Variants in SOX13 observed in about 807,000 individuals in gnomAD.
SOX13 encodes the protein transcription factor SOX-13.
A neutral mutation model predicts 71.8 loss-of-function variants in SOX13; 28 were observed. The ratio of observed to expected loss-of-function variants is 0.39; its 90% confidence interval spans 0.29 to 0.53. The LOEUF is 0.53. SOX13 is among the 20% of genes least tolerant of loss of function. The pLI, the probability that SOX13 is intolerant of heterozygous loss-of-function variation, is 0.70. For synonymous variants in SOX13, 309 were observed against 317.8 expected (o/e 0.97, Z 0.29); for missense variants, 627 against 810.3 (o/e 0.77, Z 2.75).
intron 8 of SOX13, 113 bp from the exon 9 acceptor site, chr1:204,122,124 T>C: frequency 9.0e-7 from 1 of 1,108,262 alleles, no homozygotes; most frequent in Non-Finnish European, 1.3e-6. Context: ...TGCGTCCACT[T>C]TTCTGTCTGT....
intron 12 of SOX13, among the ~76,000 whole-genome samples, chr1:204,124,039 G>A (rs573558908): frequency 1.8e-4 from 27 of 152,190 alleles, no homozygotes; most frequent in Admixed American, 5.2e-4. Context: ...GTGTGTGTGT[G>A]TTTACATTCT....
intron 1 of SOX13, among the ~76,000 whole-genome samples, chr1:204,090,426 T>G (rs1656118375): frequency 1.6e-5 from 2 of 124,402 alleles, no homozygotes; most frequent in Non-Finnish European, 3.5e-5. Flanking sequence ...TTTTTTTTTT[T>G]GAGATGTAGT....
intron 1 of SOX13, among the ~76,000 whole-genome samples, chr1:204,105,416 T>C (rs1263514926): frequency 1.3e-5 from 2 of 150,004 alleles, no homozygotes; most frequent in Middle Eastern, 3.4e-3. Context: ...ATAATCTCTT[T>C]TTTTTTTGAG....
At chr1:204,076,581 A>C (rs144817449) in intron 1 of SOX13, among the ~76,000 whole-genome samples, 10 of 152,192 alleles carry the variant, frequency 6.6e-5, no homozygotes, top group African/African-American at 2.4e-4. Flanking sequence ...AGGACTCTGC[A>C]AATGCATAGC....
intron 13 of SOX13, 91 bp downstream of exon 13, chr1:204,124,948 G>T (rs2102268623): frequency 1.1e-6 from 1 of 931,018 alleles, no homozygotes; most frequent in East Asian, 2.6e-5. Flanking sequence ...GCCTGCCTTT[G>T]TGTGTGACCC....
At chr1:204,086,993 G>A (rs1362784230) in intron 1 of SOX13, among the ~76,000 whole-genome samples, 1 of 151,826 alleles carries the variant, frequency 6.6e-6, no homozygotes, top group Non-Finnish European at 1.5e-5. Context: ...CGCGATCTTG[G>A]CGCACTGCAA....
At chr1:204,103,408 C>T (rs1656398413) in intron 1 of SOX13, among the ~76,000 whole-genome samples, 1 of 152,188 alleles carries the variant, frequency 6.6e-6, no homozygotes, top group South Asian at 2.1e-4. Context: ...ATCAGCGAGG[C>T]CTGAGTTCAA....
chr1:204,114,890 C>T (rs1176410064), intron 4 of SOX13, among the ~76,000 whole-genome samples: 1 of 152,280 alleles, frequency 6.6e-6, no homozygotes, highest in East Asian at 1.9e-4. Flanking sequence ...TTGCCACTTC[C>T]CGAGTCTAAC....
At chr1:204,079,937 G>A (rs1655867448) in intron 1 of SOX13, among the ~76,000 whole-genome samples, 1 of 152,210 alleles carries the variant, frequency 6.6e-6, no homozygotes, top group Non-Finnish European at 1.5e-5. Context: ...GATGTGCTGT[G>A]TGTGTGGCCT....
chr1:204,085,498 T>C (rs900726580), intron 1 of SOX13, among the ~76,000 whole-genome samples: 126 of 151,530 alleles, frequency 8.3e-4, no homozygotes, highest in African/African-American at 2.9e-3. Flanking sequence ...TAATGGCAGG[T>C]TGGTTAAGTA....
In SOX13 at chr1:204,113,213, C is replaced by G. The variant is rs1466959616; in HGVS notation, c.219+79C>G. 8 of 1,175,548 alleles carry G rather than the reference C, an allele frequency of 6.8e-6. No individual in the cohort carries two copies. In the Admixed American group the frequency reaches 2.3e-4, roughly 33 times the overall value. The allele number at this position is 1,175,548 out of a possible 1,614,324, so 72.8% of individuals were successfully genotyped here. On this transcript the variant is annotated intron_variant, in intron 2 of 13. Coordinates refer to ENST00000367204, the MANE Select transcript of SOX13 (RefSeq NM_005686.3). Reference sequence around the variant, plus strand: ...CTCTGCTCGGCTGGGCAGGCCCACTCCCCTAGATGGCAGCAGATACAGGCA... The same window carrying G: ...CTCTGCTCGGCTGGGCAGGCCCACTGCCCTAGATGGCAGCAGATACAGGCA...
chr1:204,074,069 G>T (rs1276613861), intron 1 of SOX13: 1 of 151,962 alleles, frequency 6.6e-6, no homozygotes, highest in Non-Finnish European at 1.5e-5. Flanking sequence ...GCTCCTCGCC[G>T]ACCGCAGAGG....
At position 204,103,180 on chromosome 1, in the gene SOX13, G is replaced by C. The variant is rs1256585665; in HGVS notation, c.-1-9735G>C. On this transcript the variant is annotated intron_variant, in intron 1 of 13. Coordinates refer to ENST00000367204, the MANE Select transcript of SOX13 (RefSeq NM_005686.3). ...TCTATTTTACACATGAAGAAATGGG[G>C]GTTTTGAGAGGTGAAGTCTTTCCCC... 5.3e-5 allele frequency among the ~76,000 whole-genome samples: 8 copies of C among 152,222 alleles called. No individual in the cohort carries two copies. The South Asian group carries it at 1.7e-3, about 31-fold the overall frequency.
chr1:204,103,619 C>A (rs984585304), intron 1 of SOX13, among the ~76,000 whole-genome samples: 5 of 152,246 alleles, frequency 3.3e-5, no homozygotes, highest in Admixed American at 6.5e-5. Context: ...CCCCAAGGGG[C>A]CTTTGACATG....
Position 204,117,166 on chromosome 1 carries a change from C to G in SOX13, c.636C>G (p.Ile212Met), listed in dbSNP as rs1181258899. The G allele has an allele frequency of 6.2e-7, 1 of 1,613,992 alleles. No individual in the cohort carries two copies. The highest frequency in any genetic ancestry group is 8.5e-7 in the Non-Finnish European group (1 of 1,179,878). ...QQQLIQQQHK[I>M]NLLQQQIQQV... ...AGCTGATTCAGCAGCAGCATAAGATCAACCTCCTTCAGCAGCAGATCCAGG... is the reference window on the plus strand; with the variant it reads ...AGCTGATTCAGCAGCAGCATAAGATGAACCTCCTTCAGCAGCAGATCCAGG... The change falls in exon 6 of 14, where the codon ATC becomes ATG. Residue 212 changes from isoleucine to methionine, a missense_variant. Coordinates refer to ENST00000367204, the MANE Select transcript of SOX13 (RefSeq NM_005686.3).
chr1:204,126,328 G>A lies in SOX13; in HGVS notation c.*194G>A. The stretch of plus-strand genomic sequence containing the variant: ...CCTTCCTGAGGAGCTGTTGGCCTGG[G>A]TGGGCAGGAACTGCAGTATGGCCAT... On this transcript the variant is annotated 3_prime_UTR_variant, in exon 14 of 14. Transcript: ENST00000367204. 7 of 652,310 alleles carry A rather than the reference G, an allele frequency of 1.1e-5. No homozygotes were observed. Among genetic ancestry groups the A allele is most frequent in the Non-Finnish European group, 5.2e-6 (2 of 381,772 alleles). The allele number at this position is 652,310 out of a possible 1,614,324, so 40.4% of individuals were successfully genotyped here.
chr1:204,109,550 T>C (rs1169274744), intron 1 of SOX13, among the ~76,000 whole-genome samples: 2 of 152,238 alleles, frequency 1.3e-5, no homozygotes, highest in East Asian at 3.8e-4. Flanking sequence ...TGGTGTGTAG[T>C]AGGCTGTACC....
chr1:204,111,864 A>T (rs1488080584), intron 1 of SOX13, among the ~76,000 whole-genome samples: 1 of 152,262 alleles, frequency 6.6e-6, no homozygotes, highest in East Asian at 1.9e-4. Context: ...CGTGTGATAG[A>T]TGCATGAAGC....
At chr1:204,086,922 C>G (rs1001224680) in intron 1 of SOX13, among the ~76,000 whole-genome samples, 2 of 67,654 alleles carry the variant, frequency 3.0e-5, no homozygotes, top group African/African-American at 7.2e-5. Flanking sequence ...TGGTCTTTCT[C>G]CTTCCTTTTT....
Sources: allele counts gnomAD v4.1 joint callset (sites outside exome capture counted in the v4.1 genomes callset), GRCh38; gene constraint gnomAD v4.1.1; transcripts MANE v1.5; gene names NCBI Gene and HGNC (gene_info 2026-07-23, HGNC 2026-07-21).